CADPS2: variants seen among roughly 807,000 people sequenced by gnomAD.
CADPS2 encodes the protein calcium dependent secretion activator 2.
A neutral mutation model predicts 172.5 loss-of-function variants in CADPS2; 93 were observed. That is an observed-to-expected ratio of 0.54 (90% confidence interval 0.46 to 0.64). CADPS2 has a LOEUF of 0.64. Among genes scored for constraint, CADPS2 ranks in the 30% least tolerant of loss-of-function variants. The pLI, the probability that CADPS2 is intolerant of heterozygous loss-of-function variation, is 0.00. For synonymous variants in CADPS2, 546 were observed against 555.2 expected, an observed-to-expected ratio of 0.98 and a Z score of 0.23; for missense variants, 1,420 against 1,565.9, an observed-to-expected ratio of 0.91 and a Z score of 1.57.
intron 17 of CADPS2, among the ~76,000 whole-genome samples, chr7:122,433,659 C>T (rs112531243): frequency 0.059 from 9,017 of 152,126 alleles, 659 homozygotes; most frequent in African/African-American, 0.17. Flanking sequence ...CATTTTGGCT[C>T]CCCAAAGTGC....
At chr7:122,674,202 G>A (rs996758214) in intron 2 of CADPS2, among the ~76,000 whole-genome samples, 5 of 152,090 alleles carry the variant, frequency 3.3e-5, no homozygotes. Context: ...GTCCCCGCCC[G>A]CACCTCTCCC....
At chr7:122,853,190 T>C (rs1373038058) in intron 1 of CADPS2, among the ~76,000 whole-genome samples, 1 of 151,978 alleles carries the variant, frequency 6.6e-6, no homozygotes, top group Non-Finnish European at 1.5e-5. Context: ...CTGATGTCAA[T>C]AGACAAATGA....
chr7:122,750,121 C>A (rs1003011064), intron 1 of CADPS2, among the ~76,000 whole-genome samples: 2 of 152,050 alleles, frequency 1.3e-5, no homozygotes, highest in African/African-American at 4.8e-5. Flanking sequence ...ATAAAGCCTG[C>A]TTCTGGGGCT....
chr7:122,541,509 T>C (rs2062944971), intron 8 of CADPS2, among the ~76,000 whole-genome samples: 1 of 107,298 alleles, frequency 9.3e-6, no homozygotes, highest in South Asian at 2.8e-4. Context: ...CCCAGCCAAT[T>C]TTTGTTTTTT....
chr7:122,763,873 C>G (rs1291901810), intron 1 of CADPS2, among the ~76,000 whole-genome samples: 1 of 152,126 alleles, frequency 6.6e-6, no homozygotes, highest in African/African-American at 2.4e-5. Context: ...ATAGACTGCA[C>G]TATTTCCAAT....
intron 27 of CADPS2, 36 bp from the exon 28 acceptor site, chr7:122,345,717 A>G (rs889022645): frequency 1.6e-6 from 2 of 1,255,742 alleles, no homozygotes; most frequent in African/African-American, 1.5e-5. Context: ...ACAAAATAAT[A>G]TCAGGTCTCA....
intron 9 of CADPS2, among the ~76,000 whole-genome samples, chr7:122,512,297 C>T (rs757320589): frequency 6.6e-6 from 1 of 152,056 alleles, no homozygotes. Context: ...TCATTCTGAT[C>T]TAGTCCAGTT....
At chr7:122,636,171 G>T (rs774238089) in intron 3 of CADPS2, among the ~76,000 whole-genome samples, 1 of 152,138 alleles carries the variant, frequency 6.6e-6, no homozygotes, top group Non-Finnish European at 1.5e-5. Flanking sequence ...AGACTTGACT[G>T]TGTAAATGTC....
At chr7:122,481,120 C>A (rs2057240804) in intron 11 of CADPS2, among the ~76,000 whole-genome samples, 1 of 150,858 alleles carries the variant, frequency 6.6e-6, no homozygotes, top group African/African-American at 2.4e-5. Flanking sequence ...TTCAGGGTCA[C>A]TACCCTCATT....
chr7:122,554,996 T>C (rs1457714163), intron 7 of CADPS2, among the ~76,000 whole-genome samples: 1 of 152,080 alleles, frequency 6.6e-6, no homozygotes, highest in Non-Finnish European at 1.5e-5. Context: ...GAGACACCCA[T>C]AATTTCAAGA....
intron 15 of CADPS2, among the ~76,000 whole-genome samples, chr7:122,447,252 C>T (rs935200637): frequency 1.3e-4 from 19 of 151,936 alleles, no homozygotes; most frequent in African/African-American, 4.6e-4. Flanking sequence ...ATAATTCATA[C>T]TTATATTTGT....
intron 2 of CADPS2, among the ~76,000 whole-genome samples, chr7:122,727,969 T>A (rs760816622): frequency 6.6e-6 from 1 of 151,946 alleles, no homozygotes; most frequent in African/African-American, 2.4e-5. Context: ...CATCTATGAA[T>A]GTGTTGACAT....
chr7:122,410,984 A>G (rs1367800091), intron 19 of CADPS2, among the ~76,000 whole-genome samples: 1 of 152,182 alleles, frequency 6.6e-6, no homozygotes, highest in Admixed American at 6.5e-5. Flanking sequence ...CAGTTGGTAG[A>G]TAACAAAGCA....
intron 2 of CADPS2, among the ~76,000 whole-genome samples, chr7:122,722,984 C>A (rs1033121685): frequency 1.1e-4 from 16 of 151,802 alleles, no homozygotes; most frequent in Non-Finnish European, 1.8e-4. Flanking sequence ...TATATGTAGA[C>A]AGCTGAAACT....
chr7:122,453,994 A>G (rs1469450085), intron 14 of CADPS2, among the ~76,000 whole-genome samples: 1 of 152,230 alleles, frequency 6.6e-6, no homozygotes, highest in Non-Finnish European at 1.5e-5. Context: ...TCCTTATTTT[A>G]GAATATATAC....
intron 7 of CADPS2, among the ~76,000 whole-genome samples, chr7:122,557,587 T>C (rs1165266996): frequency 6.6e-6 from 1 of 152,148 alleles, no homozygotes; most frequent in Non-Finnish European, 1.5e-5. Context: ...GTTCACAGGT[T>C]TCCAGCCTGC....
chr7:122,424,978 T>C (rs1197539680), intron 17 of CADPS2, among the ~76,000 whole-genome samples: 1 of 152,158 alleles, frequency 6.6e-6, no homozygotes, highest in Admixed American at 6.5e-5. Context: ...TAATAGCTTT[T>C]TTTAAAAAAA....
At chr7:122,325,910 G>A (rs1458074197) in intron 28 of CADPS2, among the ~76,000 whole-genome samples, 2 of 151,934 alleles carry the variant, frequency 1.3e-5, no homozygotes, top group African/African-American at 4.8e-5. Context: ...CTAAATACAT[G>A]TTATAGGACT....
Position 122,886,205 on chromosome 7 carries a change from G to A in CADPS2, c.133C>T (p.Pro45Ser). 3.4e-6 allele frequency: 5 copies of A among 1,471,738 alleles called. No homozygotes were observed. Among genetic ancestry groups the A allele is most frequent in the Non-Finnish European group, 4.5e-6 (5 of 1,121,278 alleles). 91.2% of individuals were successfully genotyped at this position (1,471,738 alleles called of 1,614,324 possible). ...APTREGRRDA[P>S]GRAGGGGAAR... Reference sequence around the variant, plus strand: ...GCGCCGCCGCCGCCCGCGCGCCCCGGCGCGTCCCGCCGCCCTTCCCGAGTC... The same window carrying A: ...GCGCCGCCGCCGCCCGCGCGCCCCGACGCGTCCCGCCGCCCTTCCCGAGTC... Residue 45 changes from proline (P) to serine (S), a missense_variant, in exon 1 of 30, where the codon CCG (proline) becomes TCG (serine). Pro to Ser is a moderately conservative substitution (Grantham distance 74). Coordinates refer to ENST00000449022, the MANE Select transcript of CADPS2 (RefSeq NM_017954.11).
Sources: gnomAD v4.1 joint callset for allele counts (sites outside exome capture counted in the v4.1 genomes callset) on GRCh38, gnomAD v4.1.1 for gene constraint, MANE v1.5 for transcripts, NCBI Gene and HGNC (gene_info 2026-07-23, HGNC 2026-07-21) for gene names.